Variants in MPPED2 observed in about 807,000 individuals in gnomAD.
MPPED2 encodes the protein metallophosphoesterase MPPED2.
In MPPED2, 5 loss-of-function variants were observed where a neutral mutation model predicts 33.0. The ratio of observed to expected loss-of-function variants is 0.15; its 90% CI spans 0.08 to 0.32. MPPED2 has a LOEUF of 0.32. MPPED2 is among the 10% of genes least tolerant of loss of function. The pLI is 1.00. For synonymous variants in MPPED2, 136 were observed against 141.9 expected, an observed-to-expected ratio of 0.96 and a Z score of 0.29; for missense variants, 275 against 372.1, an observed-to-expected ratio of 0.74 and a Z score of 2.15.
intron 4 of MPPED2, among the ~76,000 whole-genome samples, chr11:30,446,522 A>G (rs910713262): frequency 2.6e-5 from 4 of 152,092 alleles, no homozygotes; most frequent in African/African-American, 9.7e-5. Context: ...ACAGCCTTCC[A>G]TCTCTGGGCA....
chr11:30,458,726 C>A (rs1198983822), intron 4 of MPPED2, among the ~76,000 whole-genome samples: 1 of 152,048 alleles, frequency 6.6e-6, no homozygotes, highest in Non-Finnish European at 1.5e-5. Flanking sequence ...GCTCTACCAC[C>A]AAAGGTTCTG....
rs1948080004 is a variant in MPPED2 at position 30,410,956 on chromosome 11, C to T, written c.*512G>A. On this transcript the variant is annotated 3_prime_UTR_variant, in exon 7 of 7. Transcript: ENST00000358117. ...GTGAGAGTATGAAAAGAAGTCTTTT[C>T]CATGCCTACTTCTGTTGAGAAGATT... 6 of 985,590 alleles carry T rather than the reference C, an allele frequency of 6.1e-6. No individual in the cohort carries two copies. The highest frequency in any genetic ancestry group is 7.2e-6 in the Non-Finnish European group (6 of 829,934). 61.1% of individuals were successfully genotyped at this position (985,590 alleles called of 1,614,324 possible).
At chr11:30,507,181 T>C (rs1025054137) in intron 3 of MPPED2, among the ~76,000 whole-genome samples, 1 of 152,248 alleles carries the variant, frequency 6.6e-6, no homozygotes, top group African/African-American at 2.4e-5. Context: ...AATTGGCTTA[T>C]ATTGGAAAGT....
chr11:30,550,428 T>C (rs1565175716), intron 2 of MPPED2, among the ~76,000 whole-genome samples: 2 of 152,178 alleles, frequency 1.3e-5, no homozygotes, highest in Non-Finnish European at 2.9e-5. Context: ...CCAAAGCCCG[T>C]CAGTACTCCC....
At chr11:30,537,565 G>C in intron 2 of MPPED2, among the ~76,000 whole-genome samples, 1 of 152,146 alleles carries the variant, frequency 6.6e-6, no homozygotes, top group East Asian at 1.9e-4. Context: ...GAAGAGATCA[G>C]TGTGCAACCT....
At chr11:30,435,145 A>G in intron 4 of MPPED2, among the ~76,000 whole-genome samples, 1 of 152,218 alleles carries the variant, frequency 6.6e-6, no homozygotes, top group East Asian at 1.9e-4. Context: ...TCTGCAAAGA[A>G]CACATTTCTT....
chr11:30,448,096 G>C (rs747835585), intron 4 of MPPED2, among the ~76,000 whole-genome samples: 1 of 152,150 alleles, frequency 6.6e-6, no homozygotes, highest in Non-Finnish European at 1.5e-5. Context: ...TATACAGGGG[G>C]TATTTTTTCA....
chr11:30,578,561 G>T (rs1233920417), intron 2 of MPPED2, among the ~76,000 whole-genome samples: 3 of 152,140 alleles, frequency 2.0e-5, no homozygotes, highest in Non-Finnish European at 4.4e-5. Flanking sequence ...GAATCTTGAG[G>T]CCAAGAACAA....
chr11:30,417,070 C>T (rs897666549), intron 5 of MPPED2, among the ~76,000 whole-genome samples: 3 of 152,128 alleles, frequency 2.0e-5, no homozygotes, highest in African/African-American at 7.2e-5. Context: ...AAATGTTAAA[C>T]TTTAAAGGTC....
intron 3 of MPPED2, among the ~76,000 whole-genome samples, chr11:30,499,784 C>T (rs562020023): frequency 4.6e-5 from 7 of 152,204 alleles, no homozygotes; most frequent in African/African-American, 9.6e-5. Flanking sequence ...AAGCTTGCTG[C>T]TGGTGGGACC....
At chr11:30,496,264 T>TATA (rs1246608977) in intron 3 of MPPED2, among the ~76,000 whole-genome samples, 2 of 152,310 alleles carry the variant, frequency 1.3e-5, no homozygotes, top group East Asian at 3.9e-4. Flanking sequence ...GAATGAAAGC[T>TATA]ATAAAGGAAA....
chr11:30,419,060 C>T (rs1948499151), intron 4 of MPPED2, among the ~76,000 whole-genome samples: 1 of 152,156 alleles, frequency 6.6e-6, no homozygotes, highest in Admixed American at 6.5e-5. Flanking sequence ...AGTCCTTAAG[C>T]CATGCCCGGG....
intron 4 of MPPED2, among the ~76,000 whole-genome samples, chr11:30,419,416 A>G (rs1386299247): frequency 3.3e-5 from 5 of 152,204 alleles, no homozygotes; most frequent in African/African-American, 9.6e-5. Flanking sequence ...AAGCTTGAGT[A>G]TCTTGTTGCT....
intron 4 of MPPED2, among the ~76,000 whole-genome samples, chr11:30,438,138 G>C (rs191395922): frequency 1.5e-4 from 23 of 152,138 alleles, no homozygotes; most frequent in African/African-American, 2.4e-5. Context: ...AATGAACAAA[G>C]TATATTGAGC....
At position 30,410,303 on chromosome 11, in the gene MPPED2, T is replaced by C; in HGVS notation, c.*1165A>G. 1.0e-6 allele frequency: 1 copy of C among 985,318 alleles called. No individual in the cohort carries two copies. 61.0% of individuals were successfully genotyped at this position (985,318 alleles called of 1,614,324 possible). A position where few individuals can be genotyped will look rare whatever the true frequency, so the allele number is the denominator to read the frequency against. ...ACAATAAATTTAAAGAAACAACTGC[T>C]TTCCTAAATTTCATTAACAAAGTAA... On this transcript the variant is annotated 3_prime_UTR_variant, in exon 7 of 7. Coordinates refer to ENST00000358117, the MANE Select transcript of MPPED2 (RefSeq NM_001584.3).
chr11:30,391,801 C>T (rs1947780393), intron 6 of MPPED2, among the ~76,000 whole-genome samples: 1 of 152,066 alleles, frequency 6.6e-6, no homozygotes, highest in African/African-American at 2.4e-5. Flanking sequence ...AAAAATTCAA[C>T]CTCCCCAGTT....
intron 1 of MPPED2, among the ~76,000 whole-genome samples, chr11:30,583,022 A>C (rs1957242089): frequency 6.6e-6 from 1 of 152,180 alleles, no homozygotes; most frequent in Non-Finnish European, 1.5e-5. Flanking sequence ...GCACCTTTAC[A>C]GACAAGTCAA....
chr11:30,518,571 A>T (rs1953670851), intron 3 of MPPED2, among the ~76,000 whole-genome samples: 1 of 152,208 alleles, frequency 6.6e-6, no homozygotes, highest in Admixed American at 6.5e-5. Context: ...ACTTAAAGGG[A>T]AGGCTTCAGT....
intron 2 of MPPED2, among the ~76,000 whole-genome samples, chr11:30,577,513 A>G (rs1319349638): frequency 6.6e-6 from 1 of 152,246 alleles, no homozygotes; most frequent in Non-Finnish European, 1.5e-5. Flanking sequence ...CTGCCATGAC[A>G]TGTTGAAATT....
Sources: gnomAD v4.1 joint callset for allele counts (sites outside exome capture counted in the v4.1 genomes callset) on GRCh38, gnomAD v4.1.1 for gene constraint, MANE v1.5 for transcripts, NCBI Gene and HGNC (gene_info 2026-07-23, HGNC 2026-07-21) for gene names.